The following USP34 variants were observed in gnomAD, a reference collection of about 807,000 sequenced individuals.
The protein encoded by USP34 is ubiquitin specific peptidase 34.
In USP34, 70 loss-of-function variants were observed where a neutral mutation model predicts 460.3. The observed-to-expected ratio is 0.15, with a 90% CI of 0.13 to 0.19. The LOEUF is 0.19. Ranked by LOEUF, USP34 falls within the 10% of genes least tolerant of loss-of-function variation. USP34 has a pLI of 1.00. For missense variants in USP34, 3,985 were observed against 4,236.2 expected (o/e 0.94, Z 1.65); for synonymous variants, 1,647 against 1,405.3 (o/e 1.17, Z -3.85).
chr2:61,354,709 G>C (rs186833591), intron 10 of USP34, among the ~76,000 whole-genome samples: 3 of 152,298 alleles, frequency 2.0e-5, no homozygotes, highest in East Asian at 1.9e-4. Flanking sequence ...TAGAATGTTT[G>C]AGGAAAAAGT....
chr2:61,463,612 T>C (rs1011210501), intron 1 of USP34, among the ~76,000 whole-genome samples: 1 of 152,102 alleles, frequency 6.6e-6, no homozygotes, highest in Non-Finnish European at 1.5e-5. Context: ...GGGAGGCGGA[T>C]TACCTGGGGT....
intron 8 of USP34, among the ~76,000 whole-genome samples, chr2:61,376,190 A>C (rs902743298): frequency 6.6e-6 from 1 of 152,210 alleles, no homozygotes; most frequent in Non-Finnish European, 1.5e-5. Context: ...ATATTTTAAA[A>C]AGTGAATTTT....
chr2:61,300,710 G>C lies in USP34; in HGVS notation c.4128+241C>G, dbSNP rs1386111801. Among the ~76,000 whole-genome samples, 3 of 151,024 alleles carry C rather than the reference G, an allele frequency of 2.0e-5. No homozygotes were observed. In the East Asian group the frequency reaches 5.9e-4, roughly 30 times the overall value. On this transcript the variant is annotated intron_variant, in intron 29 of 79. Transcript: ENST00000398571. ...ACTTGGGAGGCTGAGGCAGGAGAAT[G>C]GCATGAACCCGGGAGGTGGAGCTTG... is the stretch of plus-strand genomic sequence containing the variant.
intron 15 of USP34, 56 bp from the exon 16 acceptor site, chr2:61,344,085 G>C: frequency 6.5e-7 from 1 of 1,538,046 alleles, no homozygotes; most frequent in Non-Finnish European, 8.9e-7. Flanking sequence ...TCTAATTTGT[G>C]AACCACAAAA....
intron 62 of USP34, among the ~76,000 whole-genome samples, chr2:61,226,202 A>C: frequency 6.6e-6 from 1 of 152,242 alleles, no homozygotes; most frequent in Non-Finnish European, 1.5e-5. Flanking sequence ...TACACCGTGA[A>C]AAGTACATTT....
intron 35 of USP34, 124 bp from the exon 36 acceptor site, chr2:61,283,573 G>T: frequency 1.2e-6 from 1 of 821,592 alleles, no homozygotes; most frequent in Non-Finnish European, 1.8e-6. Flanking sequence ...CAGTGGGTGT[G>T]TGAGTGAGAG....
At chr2:61,340,257 A>G (rs916522745) in intron 16 of USP34, among the ~76,000 whole-genome samples, 1 of 152,216 alleles carries the variant, frequency 6.6e-6, no homozygotes, top group African/African-American at 2.4e-5. Flanking sequence ...CTTAACATTC[A>G]AATTAAAAGA....
At chr2:61,346,783 G>T (rs1392732053) in intron 15 of USP34, among the ~76,000 whole-genome samples, 1 of 130,904 alleles carries the variant, frequency 7.6e-6, no homozygotes, top group Non-Finnish European at 1.5e-5. Context: ...AGTGAGCCAA[G>T]ATTGTGCCAC....
Position 61,336,146 on chromosome 2 carries a change from A to ATT in USP34, c.2745-2177_2745-2176dup, listed in dbSNP as rs5831605. On this transcript the variant is annotated intron_variant, in intron 18 of 79. Coordinates refer to ENST00000398571, the MANE Select transcript of USP34 (RefSeq NM_014709.4). ...GTGTGTGTGTGTGTGTGTCCGCACA[A>ATT]TTTTTTTTTTTTTTTTGAGACAAAG... Among the ~76,000 whole-genome samples, 7 of 145,382 alleles carry ATT rather than the reference A, an allele frequency of 4.8e-5. No homozygotes were observed. The South Asian group carries it at 1.5e-3, about 31-fold the overall frequency.
rs532017672 is a variant in USP34 at position 61,411,214 on chromosome 2, G to A, written c.132-5086C>T. 7.0e-4 allele frequency among the ~76,000 whole-genome samples: 106 copies of A among 151,484 alleles called. 1 individual carries two copies. The highest frequency in any genetic ancestry group is 2.0e-3 in the African/African-American group (83 of 41,280). ...GGTCTAGGCAACATAGTGAGACCTCGTCTCAAAAAAAAACAAAGTTAGGCA... is the reference window on the plus strand; with the variant it reads ...GGTCTAGGCAACATAGTGAGACCTCATCTCAAAAAAAAACAAAGTTAGGCA... On this transcript the variant is annotated intron_variant, in intron 2 of 79. Transcript: ENST00000398571.
At chr2:61,299,680 G>T (rs1172514793) in intron 29 of USP34, among the ~76,000 whole-genome samples, 5 of 130,880 alleles carry the variant, frequency 3.8e-5, no homozygotes, top group Non-Finnish European at 6.9e-5. Flanking sequence ...GAACCTGAGA[G>T]ATCAAGGCTA....
intron 10 of USP34, among the ~76,000 whole-genome samples, chr2:61,356,178 T>TA (rs1692096163): frequency 7.9e-6 from 1 of 126,964 alleles, no homozygotes; most frequent in African/African-American, 2.8e-5. Context: ...ATGAATGAAT[T>TA]TAAAAAAAAA....
Position 61,236,376 on chromosome 2 carries a change from T to A in USP34, c.6791A>T (p.Asp2264Val), listed in dbSNP as rs781647375. ...SSELLEWIWH[D>V]NMQFLQDKNI... Reference sequence around the variant, plus strand: ...TTTGTCTTGAAGAAACTGCATGTTATCATGCCAAATCCACTGAAAATAAAA... The same window carrying A: ...TTTGTCTTGAAGAAACTGCATGTTAACATGCCAAATCCACTGAAAATAAAA... Residue 2264 changes from aspartate (D) to valine (V), a missense_variant, in exon 54 of 80, where the codon GAT (aspartate) becomes GTT (valine). Asp to Val is a radical substitution (Grantham distance 152). Around this residue, in one of 14 missense-constraint regions of USP34, gnomAD observed 604 missense variants for 684.8 expected, o/e 0.88. Coordinates refer to ENST00000398571, the MANE Select transcript of USP34 (RefSeq NM_014709.4). 1 of 1,597,378 alleles carries A rather than the reference T, an allele frequency of 6.3e-7. No individual in the cohort carries two copies. Among genetic ancestry groups the A allele is most frequent in the Non-Finnish European group, 8.5e-7 (1 of 1,173,346 alleles).
At chr2:61,449,891 C>A (rs1207973367) in intron 1 of USP34, among the ~76,000 whole-genome samples, 2 of 152,078 alleles carry the variant, frequency 1.3e-5, no homozygotes, top group Non-Finnish European at 1.5e-5. Context: ...TATGGTGAAA[C>A]CCCGTCTCTA....
intron 48 of USP34, among the ~76,000 whole-genome samples, chr2:61,252,083 T>C (rs1688600180): frequency 1.3e-5 from 2 of 151,992 alleles, no homozygotes; most frequent in South Asian, 4.1e-4. Flanking sequence ...ATGATAAAGA[T>C]ACAAAAGGGT....
In USP34 at chr2:61,296,917, T is replaced by A; in HGVS notation, c.4137A>T (p.Arg1379=). The change falls in exon 30 of 80, where the codon CGA becomes CGT. Residue 1379 remains arginine, a synonymous_variant. Transcript: ENST00000398571. ...CTGCATGAAGATGAAGTTCTTCACA[T>A]CGTAAGCTCTACACAAATAAGAACA... ...KVAVDDSESL[R]CEELHLHAEN... is the part of the protein sequence containing the mutation. 3 of 1,612,246 alleles carry A rather than the reference T, an allele frequency of 1.9e-6. No homozygotes were observed. Among genetic ancestry groups the A allele is most frequent in the Non-Finnish European group, 2.5e-6 (3 of 1,179,230 alleles).
chr2:61,347,206 C>A (rs1691797917), intron 15 of USP34, among the ~76,000 whole-genome samples: 1 of 151,850 alleles, frequency 6.6e-6, no homozygotes, highest in African/African-American at 2.4e-5. Flanking sequence ...GGTGGCTGGT[C>A]TAAATTGAAA....
intron 43 of USP34, among the ~76,000 whole-genome samples, chr2:61,263,800 AT>A (rs1306756083): frequency 1.1e-4 from 16 of 152,156 alleles, no homozygotes; most frequent in African/African-American, 3.6e-4. Context: ...ATTTTTGTAT[AT>A]CTGGTAGAGA....
At chr2:61,278,338 CTTT>C (rs1689435175) in intron 40 of USP34, 47 bp downstream of exon 40, 2 of 1,609,046 alleles carry the variant, frequency 1.2e-6, no homozygotes, top group African/African-American at 2.7e-5. Flanking sequence ...ATAATTATGT[CTTT>C]TATCTTTCCT....
Sources: gnomAD v4.1 joint callset for allele counts (sites outside exome capture counted in the v4.1 genomes callset) on GRCh38, gnomAD v4.1.1 for gene constraint, gnomAD v4.1.1 regional missense constraint, MANE v1.5 for transcripts, NCBI Gene and HGNC (gene_info 2026-07-23, HGNC 2026-07-21) for gene names.